Variants in TFPI2 observed in about 807,000 individuals in gnomAD.
TFPI2 encodes the protein placental protein 5.
TFPI2 carries 23 observed loss-of-function variants against 23.1 expected under a neutral mutation model. The observed-to-expected ratio is 1.00, with a 90% confidence interval of 0.72 to 1.41. The LOEUF (loss-of-function observed/expected upper bound fraction) is 1.41. TFPI2 is among the 40% of genes most tolerant of loss of function. The pLI, the probability that TFPI2 is intolerant of heterozygous loss-of-function variation, is 0.00. For missense variants in TFPI2, 291 were observed against 299.6 expected (o/e 0.97, Z 0.21); for synonymous variants, 119 against 111.7 (o/e 1.07, Z -0.41).
chr7:93,886,960 C>T (rs1368387863), intron 4 of TFPI2, 64 bp from the exon 5 acceptor site: 4 of 1,217,952 alleles, frequency 3.3e-6, no homozygotes, highest in East Asian at 2.6e-5. Context: ...CTATAAATCA[C>T]TATTTCTGAT....
chr7:93,890,282 G>A lies in TFPI2; in HGVS notation c.126C>T (p.Tyr42=), dbSNP rs780412840. The A allele has an allele frequency of 1.2e-6, 2 of 1,613,004 alleles. No homozygotes were observed. Among genetic ancestry groups the A allele is most frequent in the Admixed American group, 3.3e-5 (2 of 59,928 alleles). Residue 42 remains tyrosine (Y), a synonymous_variant, in exon 2 of 5, where the codon TAC becomes TAT. Coordinates refer to ENST00000222543, the MANE Select transcript of TFPI2 (RefSeq NM_006528.4). Reference sequence around the variant, plus strand: ...GGAGAAGTAGGGCCCGGCAGGGTCCGTAGTCTAGGGGCAGGAGACAGATCT... The same window carrying A: ...GGAGAAGTAGGGCCCGGCAGGGTCCATAGTCTAGGGGCAGGAGACAGATCT... ...NAEICLLPLD[Y]GPCRALLLRY...
chr7:93,887,726 TG>T (rs1794023231), intron 3 of TFPI2, among the ~76,000 whole-genome samples: 1 of 152,124 alleles, frequency 6.6e-6, no homozygotes, highest in Non-Finnish European at 1.5e-5. Flanking sequence ...TAGGTAAAAA[TG>T]GGGTAAGTTT....
intron 3 of TFPI2, 77 bp downstream of exon 3, chr7:93,888,958 C>T (rs1794068830): frequency 1.5e-6 from 2 of 1,306,270 alleles, no homozygotes; most frequent in African/African-American, 1.5e-5. Flanking sequence ...ATGTTAATTT[C>T]GCATCAAATT....
At chr7:93,890,504 G>A in intron 1 of TFPI2, 87 bp downstream of exon 1, 1 of 1,479,652 alleles carries the variant, frequency 6.8e-7, no homozygotes, top group Non-Finnish European at 9.1e-7. Flanking sequence ...GAGAAAGCGA[G>A]GCTTGGAGGG....
At position 93,886,512 on chromosome 7, in the gene TFPI2, T is replaced by A. The variant is rs1284411057; in HGVS notation, c.*308A>T. ...TTGTCTTATGTTGTTTCAGTTATGA[T>A]CCTCTTCTGAAATCAGGAATACGAC... On this transcript the variant is annotated 3_prime_UTR_variant, in exon 5 of 5. Coordinates refer to ENST00000222543, the MANE Select transcript of TFPI2 (RefSeq NM_006528.4). The A allele has an allele frequency of 4.4e-6, 1 of 226,864 alleles. No individual in the cohort carries two copies. The highest frequency in any genetic ancestry group is 1.1e-4 in the East Asian group (1 of 9,392). 14.1% of individuals were successfully genotyped at this position (226,864 alleles called of 1,614,324 possible).
Position 93,890,084 on chromosome 7 carries a change from C to A in TFPI2, c.271+53G>T, listed in dbSNP as rs1359740856. 3 of 1,501,692 alleles carry A rather than the reference C, an allele frequency of 2.0e-6. No homozygotes were observed. The South Asian group carries it at 4.0e-5, about 20-fold the overall frequency. 93.0% of individuals were successfully genotyped at this position (1,501,692 alleles called of 1,614,324 possible). ...ACGTGGGAAACTGGCGAAGCTGCTA[C>A]CAGCCGCCGGCGCAAGGAGCGCGAG... On this transcript the variant is annotated intron_variant, in intron 2 of 4. Coordinates refer to ENST00000222543, the MANE Select transcript of TFPI2 (RefSeq NM_006528.4).
rs58431286 is a variant in TFPI2, at chr7:93,888,589, GAGAA to G, written c.460+442_460+445del. Among the ~76,000 whole-genome samples, 13 of 103,348 alleles carry G rather than the reference GAGAA, an allele frequency of 1.3e-4. No homozygotes were observed. The East Asian group carries it at 1.3e-3, about 10-fold the overall frequency. The allele number at this position is 103,348 out of a possible 152,430, so 67.8% of individuals were successfully genotyped here. A position where few individuals can be genotyped will look rare whatever the true frequency, so the allele number is the denominator to read the frequency against. The stretch of plus-strand genomic sequence containing the variant: ...GGAAGGAAGGAAGGAAGGAAGGAAA[GAGAA>G]AGAAAGAAAGAAAGAGAAAAAGAAA... On this transcript the variant is annotated intron_variant, in intron 3 of 4. Coordinates refer to ENST00000222543, the MANE Select transcript of TFPI2 (RefSeq NM_006528.4).
At position 93,889,215 on chromosome 7, in the gene TFPI2, T is replaced by C. The variant is rs559043887; in HGVS notation, c.280A>G (p.Lys94Glu). 6 of 1,579,518 alleles carry C rather than the reference T, an allele frequency of 3.8e-6. No homozygotes were observed. In the South Asian group the frequency reaches 5.9e-5, roughly 15 times the overall value. The part of the protein sequence containing the change: ...DACWRIEKVP[K>E]VCRLQVSVDD... ...ACACTCACTTGCAGCCGGCAAACTT[T>C]GGGAACTTCTAGGAAAAGGAGGGTA... The change falls in exon 3 of 5, where the codon AAA becomes GAA. Residue 94 changes from lysine to glutamate, a missense_variant. Physicochemically the swap from Lys to Glu is moderately conservative, Grantham distance 56. Coordinates refer to ENST00000222543, the MANE Select transcript of TFPI2 (RefSeq NM_006528.4).
At chr7:93,887,931 T>G (rs1794028734) in intron 3 of TFPI2, among the ~76,000 whole-genome samples, 1 of 152,258 alleles carries the variant, frequency 6.6e-6, no homozygotes, top group African/African-American at 2.4e-5. Context: ...TAACTCAAGA[T>G]TTTGCATATT....
In TFPI2 at chr7:93,885,434, G is replaced by A. The variant is rs550054834; in HGVS notation, c.*1386C>T. On this transcript the variant is annotated 3_prime_UTR_variant, in exon 5 of 5. Transcript: ENST00000222543. ...TTATTTAATTTTGATTATTAATTAT[G>A]TCAAATATTTACATGGTCCAAGATA... is the stretch of plus-strand genomic sequence containing the variant. 9 of 152,070 alleles carry A rather than the reference G, an allele frequency of 5.9e-5. No individual in the cohort carries two copies. Among genetic ancestry groups the A allele is most frequent in the Admixed American group, 2.6e-4 (4 of 15,278 alleles). 9.4% of individuals were successfully genotyped at this position (152,070 alleles called of 1,614,324 possible). A position where few individuals can be genotyped will look rare whatever the true frequency, so the allele number is the denominator to read the frequency against.
Position 93,890,306 on chromosome 7 carries a change from C to A in TFPI2, c.102G>T (p.Glu34Asp), listed in dbSNP as rs952021705. The stretch of plus-strand genomic sequence containing the variant: ...CGTAGTCTAGGGGCAGGAGACAGAT[C>A]TCCGCGTTATTTCCTGAAGAAGGGG... ...AAQEPTGNNA[E>D]ICLLPLDYGP... is the part of the protein sequence containing the mutation. Residue 34 changes from glutamate (E) to aspartate (D), a missense_variant, in exon 2 of 5, where the codon GAG becomes GAT. Glu to Asp is a conservative substitution (Grantham distance 45). Transcript: ENST00000222543. 6.2e-7 allele frequency: 1 copy of A among 1,605,980 alleles called. No homozygotes were observed. Among genetic ancestry groups the A allele is most frequent in the Non-Finnish European group, 8.5e-7 (1 of 1,174,110 alleles).
intron 2 of TFPI2, 97 bp from the exon 3 acceptor site, chr7:93,889,320 G>T: frequency 1.8e-6 from 2 of 1,136,826 alleles, no homozygotes; most frequent in Non-Finnish European, 2.5e-6. Flanking sequence ...GGGGAGAGAA[G>T]TTGTATTAGT....
chr7:93,887,214 T>C, intron 4 of TFPI2, 47 bp downstream of exon 4: 1 of 1,528,382 alleles, frequency 6.5e-7, no homozygotes, highest in Non-Finnish European at 8.8e-7. Flanking sequence ...TTCTGATAAG[T>C]TATTTATAAA....
At position 93,890,264 on chromosome 7, in the gene TFPI2, T is replaced by G. The variant is rs753923735; in HGVS notation, c.144A>C (p.Leu48=). The change falls in exon 2 of 5, where the codon CTA becomes CTC. Residue 48 remains leucine (L), a synonymous_variant. Transcript: ENST00000222543. ...LPLDYGPCRA[L]LLRYYYDRYT... The stretch of plus-strand genomic sequence containing the variant: ...ACCTGTCGTAGTAGTAACGGAGAAG[T>G]AGGGCCCGGCAGGGTCCGTAGTCTA... 6.2e-7 allele frequency: 1 copy of G among 1,613,774 alleles called. No individual in the cohort carries two copies. The highest frequency in any genetic ancestry group is 1.3e-5 in the African/African-American group (1 of 75,056).
intron 3 of TFPI2, among the ~76,000 whole-genome samples, chr7:93,888,570 AAG>A (rs1349367998): frequency 8.7e-6 from 1 of 114,516 alleles, no homozygotes; most frequent in Non-Finnish European, 1.7e-5. Flanking sequence ...GGAAGGAAGG[AAG>A]GAAGGAAGGA....
intron 1 of TFPI2, 122 bp from the exon 2 acceptor site, chr7:93,890,441 T>G (rs1794110330): frequency 7.0e-7 from 1 of 1,427,736 alleles, no homozygotes; most frequent in Non-Finnish European, 9.4e-7. Flanking sequence ...GCAGAGAAAG[T>G]GCAAACTTGG....
At chr7:93,888,524 A>AGAAAGAAAGAAGGAAG (rs1168242124) in intron 3 of TFPI2, among the ~76,000 whole-genome samples, 2 of 116,526 alleles carry the variant, frequency 1.7e-5, no homozygotes, top group Admixed American at 9.2e-5. Context: ...AAAGAAAGAA[A>AGAAAGAAAGAAGGAAG]GAAGGAAGGA....
Position 93,886,808 on chromosome 7 carries a change from T to C in TFPI2, c.*12A>G, listed in dbSNP as rs1266818490. 4 of 1,529,634 alleles carry C rather than the reference T, an allele frequency of 2.6e-6. No homozygotes were observed. The highest frequency in any genetic ancestry group is 3.5e-6 in the Non-Finnish European group (4 of 1,141,030). The allele number at this position is 1,529,634 out of a possible 1,614,324, so 94.8% of individuals were successfully genotyped here. ...AGCCATAAAGACAAACAAGATGACA[T>C]ATTAAGAATGTTTAAAATTGCTTCT... is the stretch of plus-strand genomic sequence containing the variant. On this transcript the variant is annotated 3_prime_UTR_variant, in exon 5 of 5. Coordinates refer to ENST00000222543, the MANE Select transcript of TFPI2 (RefSeq NM_006528.4).
rs1321660906 is a variant in TFPI2, at chr7:93,890,334, G to C, written c.89-15C>G. 1 of 1,596,692 alleles carries C rather than the reference G, an allele frequency of 6.3e-7. No individual in the cohort carries two copies. Among genetic ancestry groups the C allele is most frequent in the East Asian group, 2.3e-5 (1 of 44,398 alleles). On this transcript the variant is annotated splice_polypyrimidine_tract_variant and intron_variant, in intron 1 of 4. Transcript: ENST00000222543. Reference sequence around the variant, plus strand: ...CGCGTTATTTCCTGAAGAAGGGGCAGAAGGAGAGCAAAAGAGAGGGAAAGT... The same window carrying C: ...CGCGTTATTTCCTGAAGAAGGGGCACAAGGAGAGCAAAAGAGAGGGAAAGT...
Sources: gnomAD v4.1 joint callset for allele counts (sites outside exome capture counted in the v4.1 genomes callset) on GRCh38, gnomAD v4.1.1 for gene constraint, MANE v1.5 for transcripts, NCBI Gene and HGNC (gene_info 2026-07-23, HGNC 2026-07-21) for gene names.